The following CFAP57 variants were observed in gnomAD, a reference collection of about 807,000 sequenced individuals.
CFAP57 encodes cilia and flagella associated protein 57, also known as cilia- and flagella-associated protein 57.
A neutral mutation model predicts 146.8 loss-of-function variants in CFAP57; 116 were observed. The observed-to-expected ratio is 0.79, with a 90% CI of 0.68 to 0.92. CFAP57 has a LOEUF of 0.92. Among genes scored for constraint, CFAP57 ranks in the 40% least tolerant of loss-of-function variants. The probability of loss-of-function intolerance (pLI) is 0.00; values close to 1 mark genes in which losing one functional copy is unlikely to be tolerated. For synonymous variants in CFAP57, 518 were observed against 552.8 expected (o/e 0.94, Z 0.88); for missense variants, 1,377 against 1,527.2 (o/e 0.90, Z 1.64).
At chr1:43,248,319 CTTT>C (rs763437285) in intron 22 of CFAP57, among the ~76,000 whole-genome samples, 4 of 133,450 alleles carry the variant, frequency 3.0e-5, no homozygotes, top group Admixed American at 1.5e-4. Flanking sequence ...AAAAAATTTT[CTTT>C]TTTTTTTTTT....
At chr1:43,225,033 C>CAG (rs1645192344) in intron 17 of CFAP57, among the ~76,000 whole-genome samples, 1 of 152,032 alleles carries the variant, frequency 6.6e-6, no homozygotes, top group Non-Finnish European at 1.5e-5. Context: ...ATGTGAGTGT[C>CAG]GGTGTACATA....
At chr1:43,172,613 G>A in intron 1 of CFAP57, 122 bp from the exon 2 acceptor site, 1 of 903,642 alleles carries the variant, frequency 1.1e-6, no homozygotes, top group Non-Finnish European at 1.7e-6. Context: ...GAGGGACAAG[G>A]GGAGGAGAAA....
chr1:43,197,723 A>C, intron 7 of CFAP57, 31 bp downstream of exon 7: 1 of 1,612,876 alleles, frequency 6.2e-7, no homozygotes, highest in Non-Finnish European at 8.5e-7. Flanking sequence ...CTACTTTATT[A>C]TGCAAGACCC....
In CFAP57 at chr1:43,185,226, T is replaced by A; in HGVS notation, c.839T>A (p.Met280Lys). The A allele has an allele frequency of 6.2e-7, 1 of 1,614,230 alleles. No homozygotes were observed. The highest frequency in any genetic ancestry group is 8.5e-7 in the Non-Finnish European group (1 of 1,180,042). The change falls in exon 5 of 23, where the codon ATG becomes AAG. Residue 280 changes from methionine to lysine, a missense_variant. Physicochemically the swap from Met to Lys is moderately conservative, Grantham distance 95. Coordinates refer to ENST00000372492, the MANE Select transcript of CFAP57 (RefSeq NM_001378189.1). ...QMVAASSHSQ[M>K]SMPQVFAIAA... ...GTGGCGGCCAGTAGCCATAGCCAGA[T>A]GTCCATGCCCCAGGTGTTTGCCATT...
chr1:43,178,208 C>T (rs1056153814), intron 2 of CFAP57, among the ~76,000 whole-genome samples: 1 of 152,130 alleles, frequency 6.6e-6, no homozygotes, highest in Non-Finnish European at 1.5e-5. Flanking sequence ...TAGGCAATAC[C>T]ATTCAGGATA....
chr1:43,212,858 T>C (rs1452304422), intron 11 of CFAP57, among the ~76,000 whole-genome samples: 1 of 147,602 alleles, frequency 6.8e-6, no homozygotes, highest in Non-Finnish European at 1.5e-5. Flanking sequence ...TGCTTGAACC[T>C]GAGAAGCAGA....
In CFAP57 at chr1:43,172,860, A is replaced by G; in HGVS notation, c.107A>G (p.Asn36Ser). The change falls in exon 2 of 23, where the codon AAT (asparagine) becomes AGT (serine). Residue 36 changes from asparagine to serine, a missense_variant. Physicochemically the swap from Asn to Ser is conservative, Grantham distance 46. Transcript: ENST00000372492. ...DEQIIIFPSG[N>S]HCVKYNVDQK... ...CAGATCATTATATTTCCTTCAGGAAATCACTGTGTGAAGTACAATGTGGAT... is the reference window on the plus strand; with the variant it reads ...CAGATCATTATATTTCCTTCAGGAAGTCACTGTGTGAAGTACAATGTGGAT... 6.2e-7 allele frequency: 1 copy of G among 1,614,192 alleles called. No homozygotes were observed. Among genetic ancestry groups the G allele is most frequent in the Non-Finnish European group, 8.5e-7 (1 of 1,180,022 alleles).
chr1:43,178,852 A>C (rs549715485), intron 2 of CFAP57, among the ~76,000 whole-genome samples: 2 of 152,340 alleles, frequency 1.3e-5, no homozygotes, highest in African/African-American at 4.8e-5. Context: ...TTATTGTGGC[A>C]CTGTTCACAA....
intron 2 of CFAP57, among the ~76,000 whole-genome samples, chr1:43,177,553 A>G (rs981140800): frequency 1.3e-5 from 2 of 152,146 alleles, no homozygotes; most frequent in African/African-American, 4.8e-5. Context: ...CTAGAGGTGA[A>G]ATGTAAAGCC....
intron 1 of CFAP57, 79 bp downstream of exon 1, chr1:43,172,532 G>A: frequency 7.5e-7 from 1 of 1,325,032 alleles, no homozygotes; most frequent in South Asian, 1.3e-5. Context: ...AAAAGGAGCC[G>A]CGGGGGTGGG....
chr1:43,217,574 T>C (rs1644881486), intron 12 of CFAP57, among the ~76,000 whole-genome samples: 1 of 152,212 alleles, frequency 6.6e-6, no homozygotes, highest in South Asian at 2.1e-4. Context: ...CCTTCATCCA[T>C]GATCCTTACC....
rs1232510565 is a variant in CFAP57 at position 43,185,278 on chromosome 1, T to C, written c.891T>C (p.Cys297=). The change falls in exon 5 of 23, where the codon TGT becomes TGC. Residue 297 remains cysteine, a synonymous_variant. Coordinates refer to ENST00000372492, the MANE Select transcript of CFAP57 (RefSeq NM_001378189.1). ...CAGCCTATTCAAAGGGATTTGCCTG[T>C]TCTGCTGGGCCAGGGAGAGTTCTGC... The part of the protein sequence containing the change: ...AIAAYSKGFA[C]SAGPGRVLLF... 6.2e-7 allele frequency: 1 copy of C among 1,614,142 alleles called. No individual in the cohort carries two copies. Among genetic ancestry groups the C allele is most frequent in the Non-Finnish European group, 8.5e-7 (1 of 1,180,024 alleles).
chr1:43,207,066 G>A, intron 10 of CFAP57, 134 bp downstream of exon 10: 1 of 855,384 alleles, frequency 1.2e-6, no homozygotes, highest in Non-Finnish European at 1.9e-6. Flanking sequence ...ATAACATCAG[G>A]CTCCTCATTC....
At chr1:43,215,473 A>G in intron 12 of CFAP57, 57 bp downstream of exon 12, 1 of 1,521,432 alleles carries the variant, frequency 6.6e-7, no homozygotes, top group Admixed American at 2.0e-5. Context: ...CTGCATTCAG[A>G]TGCAGGTCCA....
At chr1:43,217,844 G>C (rs1181648994) in intron 12 of CFAP57, among the ~76,000 whole-genome samples, 3 of 150,886 alleles carry the variant, frequency 2.0e-5, no homozygotes, top group Admixed American at 6.6e-5. Context: ...GAGGACCTTT[G>C]GAAGCCCTCT....
intron 13 of CFAP57, among the ~76,000 whole-genome samples, chr1:43,220,314 T>C (rs768313670): frequency 2.0e-4 from 30 of 152,212 alleles, no homozygotes; most frequent in Non-Finnish European, 3.7e-4. Flanking sequence ...AGCAGAATAC[T>C]GATTCCTGGA....
intron 5 of CFAP57, among the ~76,000 whole-genome samples, chr1:43,186,172 G>A (rs1643069369): frequency 6.6e-6 from 1 of 152,074 alleles, no homozygotes; most frequent in Admixed American, 6.6e-5. Flanking sequence ...AGCCTGGCAG[G>A]TGGAAGTTGC....
intron 12 of CFAP57, among the ~76,000 whole-genome samples, chr1:43,218,411 G>A (rs570845322): frequency 2.0e-5 from 3 of 152,188 alleles, no homozygotes; most frequent in Non-Finnish European, 4.4e-5. Context: ...ACCAGCCTGG[G>A]CAACATAGTG....
chr1:43,187,705 A>G (rs979659917), intron 6 of CFAP57, among the ~76,000 whole-genome samples: 2 of 151,728 alleles, frequency 1.3e-5, no homozygotes, highest in Admixed American at 6.6e-5. Flanking sequence ...TACCTACTTC[A>G]TGTCTCTATA....
Sources: allele counts gnomAD v4.1 joint callset (sites outside exome capture counted in the v4.1 genomes callset), GRCh38; gene constraint gnomAD v4.1.1; transcripts MANE v1.5; gene names NCBI Gene and HGNC (gene_info 2026-07-23, HGNC 2026-07-21).